Variants in ZNF804A observed in about 807,000 individuals in gnomAD.
The protein encoded by ZNF804A is zinc finger protein 804A.
In ZNF804A, 2 loss-of-function variants were observed where a neutral mutation model predicts 16.5. The ratio of observed to expected loss-of-function variants is 0.12; its 90% CI spans 0.05 to 0.38. The LOEUF is 0.38. Ranked by LOEUF, ZNF804A falls within the 10% of genes least tolerant of loss-of-function variation. ZNF804A has a pLI of 0.99. For missense variants in ZNF804A, 1,473 were observed against 1,390.7 expected, an observed-to-expected ratio of 1.06 and a Z score of -0.94; for synonymous variants, 534 against 489.6, an observed-to-expected ratio of 1.09 and a Z score of -1.20.
At chr2:184,840,655 T>C (rs1695422635) in intron 1 of ZNF804A, among the ~76,000 whole-genome samples, 1 of 152,056 alleles carries the variant, frequency 6.6e-6, no homozygotes, top group Non-Finnish European at 1.5e-5. Context: ...ACCCCCTTAT[T>C]TACATATGGC....
At chr2:184,920,118 A>G (rs1157965496) in intron 2 of ZNF804A, among the ~76,000 whole-genome samples, 3 of 152,102 alleles carry the variant, frequency 2.0e-5, no homozygotes, top group African/African-American at 7.2e-5. Context: ...CCATCTAAAA[A>G]ACAACAAACA....
At chr2:184,765,613 C>CCCG (rs1694111541) in intron 1 of ZNF804A, among the ~76,000 whole-genome samples, 1 of 146,886 alleles carries the variant, frequency 6.8e-6, no homozygotes, top group African/African-American at 2.6e-5. Context: ...GCACCCCCCC[C>CCCG]CCTTAGAGTC....
intron 1 of ZNF804A, among the ~76,000 whole-genome samples, chr2:184,749,301 T>G (rs1373993813): frequency 6.6e-6 from 1 of 151,434 alleles, no homozygotes; most frequent in Admixed American, 6.6e-5. Flanking sequence ...ACAATTTGGT[T>G]AGCTGTATTC....
intron 1 of ZNF804A, among the ~76,000 whole-genome samples, chr2:184,697,789 A>G (rs1692856347): frequency 6.6e-6 from 1 of 152,154 alleles, no homozygotes; most frequent in South Asian, 2.1e-4. Flanking sequence ...GATTTTTAGG[A>G]ACTTAAAATA....
chr2:184,867,940 T>C (rs907876177), intron 2 of ZNF804A, among the ~76,000 whole-genome samples: 3 of 152,078 alleles, frequency 2.0e-5, no homozygotes, highest in Non-Finnish European at 4.4e-5. Flanking sequence ...TATAAGAATA[T>C]CTATTATCAT....
intron 1 of ZNF804A, among the ~76,000 whole-genome samples, chr2:184,847,631 T>A (rs975128576): frequency 2.0e-5 from 3 of 152,074 alleles, no homozygotes; most frequent in Non-Finnish European, 4.4e-5. Flanking sequence ...TATTTTTTCC[T>A]CACACTAATT....
At chr2:184,659,555 T>C (rs1692134346) in intron 1 of ZNF804A, among the ~76,000 whole-genome samples, 1 of 151,960 alleles carries the variant, frequency 6.6e-6, no homozygotes, top group Non-Finnish European at 1.5e-5. Flanking sequence ...CATTATGATA[T>C]AGATATTATT....
chr2:184,780,482 T>G (rs1373247735), intron 1 of ZNF804A, among the ~76,000 whole-genome samples: 1 of 151,734 alleles, frequency 6.6e-6, no homozygotes, highest in Non-Finnish European at 1.5e-5. Context: ...TTAAAAGTGG[T>G]TCCTGTCTTT....
intron 2 of ZNF804A, among the ~76,000 whole-genome samples, chr2:184,874,420 A>G (rs746088460): frequency 1.3e-5 from 2 of 152,124 alleles, no homozygotes; most frequent in Non-Finnish European, 2.9e-5. Flanking sequence ...TATCATAATA[A>G]AGCAAATATT....
chr2:184,911,789 G>T (rs547971643), intron 2 of ZNF804A, among the ~76,000 whole-genome samples: 27 of 151,960 alleles, frequency 1.8e-4, no homozygotes, highest in African/African-American at 6.3e-4. Context: ...GTATATGAAT[G>T]CTACAGTGAA....
intron 2 of ZNF804A, among the ~76,000 whole-genome samples, chr2:184,931,735 T>C (rs1685705509): frequency 6.6e-6 from 1 of 152,222 alleles, no homozygotes; most frequent in Non-Finnish European, 1.5e-5. Context: ...CGCAGCCAGC[T>C]TGAATTTCTC....
intron 2 of ZNF804A, among the ~76,000 whole-genome samples, chr2:184,871,259 T>C (rs1392612002): frequency 6.6e-6 from 1 of 151,770 alleles, no homozygotes; most frequent in Non-Finnish European, 1.5e-5. Context: ...AATAATCACC[T>C]ACAAAGAGTG....
rs564686685 is a variant in ZNF804A, at chr2:184,920,501, C to T, written c.256-13102C>T. On this transcript the variant is annotated intron_variant, in intron 2 of 3. Coordinates refer to ENST00000302277, the MANE Select transcript of ZNF804A (RefSeq NM_194250.2). The stretch of plus-strand genomic sequence containing the variant: ...TGCGGACCTCTATGGTTAACACACT[C>T]TAAAGTGCTTCCCAATGAGTCATGC... Among the ~76,000 whole-genome samples, 58 of 152,264 alleles carry T rather than the reference C, an allele frequency of 3.8e-4. 1 individual carries two copies. Among genetic ancestry groups the T allele is most frequent in the African/African-American group, 1.4e-3 (58 of 41,550 alleles).
intron 1 of ZNF804A, among the ~76,000 whole-genome samples, chr2:184,658,731 T>C (rs72899918): frequency 0.11 from 16,644 of 152,190 alleles, 1,179 homozygotes; most frequent in Non-Finnish European, 0.16. Flanking sequence ...GTTAATGCTC[T>C]TCAAGTATCA....
At chr2:184,896,082 T>C (rs1685060634) in intron 2 of ZNF804A, among the ~76,000 whole-genome samples, 2 of 152,192 alleles carry the variant, frequency 1.3e-5, no homozygotes, top group East Asian at 3.9e-4. Flanking sequence ...CACGTGTTTT[T>C]TTTCTGAAAA....
intron 2 of ZNF804A, among the ~76,000 whole-genome samples, chr2:184,910,353 T>C (rs1490678469): frequency 1.3e-5 from 2 of 152,056 alleles, no homozygotes; most frequent in Admixed American, 1.3e-4. Context: ...ATATGCCACA[T>C]TTTCTCCATC....
At chr2:184,829,178 CA>C (rs932135284) in intron 1 of ZNF804A, among the ~76,000 whole-genome samples, 2 of 151,580 alleles carry the variant, frequency 1.3e-5, no homozygotes, top group African/African-American at 4.8e-5. Flanking sequence ...TCATATACAT[CA>C]CTTATTATAT....
chr2:184,872,511 G>A (rs973983328), intron 2 of ZNF804A, among the ~76,000 whole-genome samples: 1 of 152,024 alleles, frequency 6.6e-6, no homozygotes, highest in Admixed American at 6.6e-5. Context: ...AAATACCAAT[G>A]AGAAGAACAA....
chr2:184,685,074 G>C (rs1484764369), intron 1 of ZNF804A, among the ~76,000 whole-genome samples: 2 of 152,104 alleles, frequency 1.3e-5, no homozygotes, highest in Non-Finnish European at 2.9e-5. Context: ...GAGGCATGTA[G>C]TGGGGAGGAG....
Sources: allele counts gnomAD v4.1 joint callset (sites outside exome capture counted in the v4.1 genomes callset), GRCh38; gene constraint gnomAD v4.1.1; transcripts MANE v1.5; gene names NCBI Gene and HGNC (gene_info 2026-07-23, HGNC 2026-07-21).